The following CEP128 variants were observed in gnomAD, a reference collection of about 807,000 sequenced individuals.
CEP128 encodes the protein centrosomal protein 128.
A neutral mutation model predicts 156.7 loss-of-function variants in CEP128; 132 were observed. The observed-to-expected ratio is 0.84, with a 90% CI of 0.73 to 0.97. The LOEUF (loss-of-function observed/expected upper bound fraction) is 0.97. Ranked by LOEUF, CEP128 falls within the 50% of genes least tolerant of loss-of-function variation. The pLI, the probability that CEP128 is intolerant of heterozygous loss-of-function variation, is 0.00. For missense variants in CEP128, 1,252 were observed against 1,281.9 expected (o/e 0.98, Z 0.36); for synonymous variants, 469 against 448.9 (o/e 1.04, Z -0.57).
downstream of CEP128, among the ~76,000 whole-genome samples, chr14:80,491,532 G>T (rs969571898): frequency 6.6e-6 from 1 of 152,290 alleles, no homozygotes; most frequent in African/African-American, 2.4e-5. Flanking sequence ...ACAGCTTGGG[G>T]TTCATTATGA....
intron 19 of CEP128, among the ~76,000 whole-genome samples, chr14:80,602,890 T>C (rs1243473639): frequency 6.6e-6 from 1 of 152,128 alleles, no homozygotes; most frequent in Non-Finnish European, 1.5e-5. Context: ...AATTCACAAA[T>C]GCATAGAAAT....
intron 20 of CEP128, among the ~76,000 whole-genome samples, chr14:80,566,903 GAA>G (rs11321503): frequency 0.039 from 5,664 of 144,898 alleles, 364 homozygotes; most frequent in African/African-American, 0.13. Flanking sequence ...AGTTGTCAAG[GAA>G]AAAAAAAAAA....
At chr14:80,601,635 T>C (rs1336587467) in intron 19 of CEP128, among the ~76,000 whole-genome samples, 2 of 152,184 alleles carry the variant, frequency 1.3e-5, no homozygotes, top group East Asian at 1.9e-4. Flanking sequence ...ATGAACATGT[T>C]TGTACAGCAC....
intron 19 of CEP128, among the ~76,000 whole-genome samples, chr14:80,659,260 C>T (rs1595167636): frequency 6.6e-6 from 1 of 152,154 alleles, no homozygotes; most frequent in Non-Finnish European, 1.5e-5. Flanking sequence ...TTTTTTCCTA[C>T]AGCAGGAAAG....
At chr14:80,546,075 A>T (rs1371905138) in intron 21 of CEP128, among the ~76,000 whole-genome samples, 1 of 152,222 alleles carries the variant, frequency 6.6e-6, no homozygotes, top group Admixed American at 6.5e-5. Flanking sequence ...AAGGCACATA[A>T]CCAGAGTGGC....
chr14:80,673,186 G>A (rs996377735), intron 19 of CEP128, among the ~76,000 whole-genome samples: 1 of 152,148 alleles, frequency 6.6e-6, no homozygotes, highest in African/African-American at 2.4e-5. Flanking sequence ...TTACATAATT[G>A]TAAAGCATTT....
chr14:80,914,546 A>G, intron 3 of CEP128, 138 bp from the exon 4 acceptor site: 2 of 616,702 alleles, frequency 3.2e-6, no homozygotes, highest in Non-Finnish European at 5.8e-6. Context: ...ATATCAATGT[A>G]CTTCACACAT....
chr14:80,866,075 T>C lies in CEP128; in HGVS notation c.646-3202A>G, dbSNP rs571589657. Among the ~76,000 whole-genome samples the C allele has an allele frequency of 8.5e-5, 13 of 152,218 alleles. No individual in the cohort carries two copies. The East Asian group carries it at 1.9e-3, about 23-fold the overall frequency. On this transcript the variant is annotated intron_variant, in intron 8 of 24. Transcript: ENST00000555265. ...ACCATGACCATCCCTATGGACCCAG[T>C]ATACAGGTCAGCCCCCACAGATGCA...
chr14:80,489,152 A>G (rs568916102), downstream of CEP128, among the ~76,000 whole-genome samples: 28 of 151,906 alleles, frequency 1.8e-4, no homozygotes, highest in East Asian at 5.4e-3. Context: ...AAAAAGAGAG[A>G]GAGAAGATGC....
intron 13 of CEP128, among the ~76,000 whole-genome samples, chr14:80,829,069 T>G (rs1046787682): frequency 2.0e-5 from 3 of 152,134 alleles, no homozygotes; most frequent in Non-Finnish European, 4.4e-5. Flanking sequence ...GAGAACAGCT[T>G]GGGAACAAAG....
chr14:80,717,208 T>C (rs1477231663), intron 19 of CEP128, among the ~76,000 whole-genome samples: 2 of 152,226 alleles, frequency 1.3e-5, no homozygotes, highest in Non-Finnish European at 2.9e-5. Flanking sequence ...GCAGAGACTC[T>C]GCTATAATTT....
At chr14:80,562,828 T>C (rs561259616) in intron 20 of CEP128, among the ~76,000 whole-genome samples, 22 of 148,804 alleles carry the variant, frequency 1.5e-4, no homozygotes, top group Non-Finnish European at 1.8e-4. Context: ...ACCCAGCTAA[T>C]TTTTTTTTTA....
intron 12 of CEP128, among the ~76,000 whole-genome samples, chr14:80,835,898 C>T (rs1219564614): frequency 6.6e-6 from 1 of 152,162 alleles, no homozygotes; most frequent in African/African-American, 2.4e-5. Context: ...TACACATATG[C>T]ACGTATATTT....
In CEP128 at chr14:80,785,469, A is replaced by G. The variant is rs141072132; in HGVS notation, c.1637T>C (p.Leu546Ser). 1 of 1,613,866 alleles carries G rather than the reference A, an allele frequency of 6.2e-7. No individual in the cohort carries two copies. Among genetic ancestry groups the G allele is most frequent in the South Asian group, 1.1e-5 (1 of 91,060 alleles). Residue 546 changes from leucine (L) to serine (S), a missense_variant, in exon 15 of 25, where the codon TTG becomes TCG. Coordinates refer to ENST00000555265, the MANE Select transcript of CEP128 (RefSeq NM_152446.5). ...LQQIENLRKELNDVLTKRALQ... is the reference protein window; with the variant it reads ...LQQIENLRKESNDVLTKRALQ... The stretch of plus-strand genomic sequence containing the variant: ...GGCACGCTTTGTTAGGACATCATTC[A>G]ATTCCTTTCGAAGATTCTCTATTTG...
Position 80,793,093 on chromosome 14 carries a change from C to T in CEP128, c.1227G>A (p.Leu409=), listed in dbSNP as rs768964909. The change falls in exon 14 of 25, where the codon CTG becomes CTA. Residue 409 remains leucine, a synonymous_variant. Coordinates refer to ENST00000555265, the MANE Select transcript of CEP128 (RefSeq NM_152446.5). ...GCAGTTGCTGTTTTTCCCCATTCTC[C>T]AGTTCACGTGTTAAATTCTACGAAT... ...ASQVENLTRE[L]ENGEKQQLQM... 6.2e-7 allele frequency: 1 copy of T among 1,611,334 alleles called. No individual in the cohort carries two copies. The highest frequency in any genetic ancestry group is 2.2e-5 in the East Asian group (1 of 44,798).
intron 7 of CEP128, 51 bp downstream of exon 7, chr14:80,899,887 T>A: frequency 7.9e-7 from 1 of 1,263,658 alleles, no homozygotes. Context: ...AGAAGCTAAT[T>A]TATTCTCCTC....
chr14:80,760,645 A>G (rs1224018684), intron 17 of CEP128, among the ~76,000 whole-genome samples: 3 of 152,104 alleles, frequency 2.0e-5, no homozygotes, highest in African/African-American at 7.2e-5. Flanking sequence ...GTAATGTATT[A>G]TGGCTACACA....
chr14:80,490,858 A>G (rs1342270557), intron 6 of CEP128: 3 of 152,114 alleles, frequency 2.0e-5, no homozygotes, highest in African/African-American at 7.2e-5. Flanking sequence ...AATGAATGTC[A>G]AGGCAGGGTT....
chr14:80,870,458 C>T (rs146639951), intron 8 of CEP128, among the ~76,000 whole-genome samples: 37 of 152,116 alleles, frequency 2.4e-4, no homozygotes, highest in African/African-American at 7.5e-4. Flanking sequence ...ATAAGTGTAA[C>T]ATACCATATT....
Sources: gnomAD v4.1 joint callset for allele counts (sites outside exome capture counted in the v4.1 genomes callset) on GRCh38, gnomAD v4.1.1 for gene constraint, MANE v1.5 for transcripts, NCBI Gene and HGNC (gene_info 2026-07-23, HGNC 2026-07-21) for gene names.